The following MAN1A2 variants were observed in gnomAD, a reference collection of about 807,000 sequenced individuals.
MAN1A2 encodes mannosidase alpha class 1A member 2.
MAN1A2 carries 26 observed loss-of-function variants against 75.7 expected under a neutral mutation model. The observed-to-expected ratio is 0.34, with a 90% CI of 0.25 to 0.48. The LOEUF (loss-of-function observed/expected upper bound fraction) is 0.48, where lower values mean the gene tolerates loss of function less well. MAN1A2 is among the 20% of genes least tolerant of loss of function. The pLI, the probability that MAN1A2 is intolerant of heterozygous loss-of-function variation, is 0.99. For missense variants in MAN1A2, 562 were observed against 775.5 expected, an observed-to-expected ratio of 0.72 and a Z score of 3.27; for synonymous variants, 247 against 264.6, an observed-to-expected ratio of 0.93 and a Z score of 0.65.
chr1:117,460,470 ACTTTTC>A lies in MAN1A2; in HGVS notation c.951-12_951-7del, dbSNP rs1287407902. The A allele has an allele frequency of 1.9e-6, 3 of 1,590,522 alleles. No homozygotes were observed. Among genetic ancestry groups the A allele is most frequent in the Non-Finnish European group, 2.6e-6 (3 of 1,169,476 alleles). On this transcript the variant is annotated splice_polypyrimidine_tract_variant and intron_variant, in intron 6 of 12. Transcript: ENST00000356554. ...TTTTCCCAATCCTGTGTCTCCTTTT[ACTTTTC>A]CTTTTCATTCAGTGGAGTAGGGCGA...
At chr1:117,501,440 C>T (rs897622569) in intron 11 of MAN1A2, among the ~76,000 whole-genome samples, 3 of 151,760 alleles carry the variant, frequency 2.0e-5, no homozygotes, top group Non-Finnish European at 4.4e-5. Flanking sequence ...CTGGGTGAGG[C>T]AGAATAGCAG....
intron 8 of MAN1A2, among the ~76,000 whole-genome samples, chr1:117,471,586 A>T (rs996990499): frequency 1.3e-5 from 2 of 151,916 alleles, no homozygotes; most frequent in Admixed American, 6.6e-5. Context: ...CCTTAGTGGT[A>T]TCCTTTTGCT....
intron 8 of MAN1A2, among the ~76,000 whole-genome samples, chr1:117,471,301 T>G (rs1352803747): frequency 6.6e-6 from 1 of 151,908 alleles, no homozygotes; most frequent in African/African-American, 2.4e-5. Context: ...AATAGAAAAT[T>G]CATGTGGATC....
intron 1 of MAN1A2, among the ~76,000 whole-genome samples, chr1:117,373,119 GT>G (rs1653021502): frequency 6.6e-6 from 1 of 151,716 alleles, no homozygotes; most frequent in African/African-American, 2.4e-5. Context: ...GCTTTAGTGA[GT>G]TTCTCAAGTT....
chr1:117,416,154 A>G (rs1459951050), intron 4 of MAN1A2, among the ~76,000 whole-genome samples: 3 of 152,098 alleles, frequency 2.0e-5, no homozygotes, highest in Admixed American at 2.0e-4. Flanking sequence ...GTAGGCCACT[A>G]TTAGTTGATC....
chr1:117,431,662 A>T (rs191862442), intron 5 of MAN1A2, among the ~76,000 whole-genome samples: 188 of 152,324 alleles, frequency 1.2e-3, no homozygotes, highest in Non-Finnish European at 1.9e-3. Context: ...AATAGTACAG[A>T]GTATGGCTAG....
intron 6 of MAN1A2, among the ~76,000 whole-genome samples, chr1:117,451,978 A>T (rs2101825449): frequency 6.6e-6 from 1 of 150,672 alleles, no homozygotes; most frequent in East Asian, 2.0e-4. Flanking sequence ...ACAGAGCCAG[A>T]CCCTGTCTCA....
intron 1 of MAN1A2, among the ~76,000 whole-genome samples, chr1:117,389,040 G>A (rs1209224237): frequency 6.6e-6 from 1 of 152,030 alleles, no homozygotes; most frequent in African/African-American, 2.4e-5. Context: ...GATCTTTATG[G>A]TGATCAGAAA....
chr1:117,389,665 C>T (rs1653655081), intron 1 of MAN1A2, among the ~76,000 whole-genome samples: 1 of 151,962 alleles, frequency 6.6e-6, no homozygotes, highest in South Asian at 2.1e-4. Context: ...TGTTTTAAAA[C>T]TACAACAAAG....
rs757958851 is a variant in MAN1A2, at chr1:117,442,211, A to G, written c.856-20A>G. The G allele has an allele frequency of 7.5e-6, 11 of 1,456,982 alleles. No individual in the cohort carries two copies. In the South Asian group the frequency reaches 8.0e-5, roughly 11 times the overall value. The allele number at this position is 1,456,982 out of a possible 1,614,324, so 90.3% of individuals were successfully genotyped here. A position where few individuals can be genotyped will look rare whatever the true frequency, so the allele number is the denominator to read the frequency against. On this transcript the variant is annotated intron_variant, in intron 5 of 12. Transcript: ENST00000356554. ...TTACTAATGGCTATAATTTATGAAT[A>G]TTCATGTTTTAAATCTCAGATATTC...
chr1:117,466,503 G>GTACA, intron 8 of MAN1A2, 76 bp downstream of exon 8: 1 of 936,230 alleles, frequency 1.1e-6, no homozygotes, highest in Non-Finnish European at 1.6e-6. Flanking sequence ...GTTGTAAAAA[G>GTACA]TACACTACGT....
At chr1:117,504,689 G>A (rs1651297277) in intron 12 of MAN1A2, among the ~76,000 whole-genome samples, 1 of 151,346 alleles carries the variant, frequency 6.6e-6, no homozygotes, top group Admixed American at 6.6e-5. Context: ...GGGATCATTT[G>A]TTACGTTTGG....
chr1:117,415,447 G>C (rs1285009369), intron 4 of MAN1A2, among the ~76,000 whole-genome samples: 1 of 152,040 alleles, frequency 6.6e-6, no homozygotes, highest in African/African-American at 2.4e-5. Flanking sequence ...CTCTCTGGCA[G>C]ACTCTTCGTT....
chr1:117,482,673 T>C (rs1650538315), intron 8 of MAN1A2, among the ~76,000 whole-genome samples: 1 of 152,116 alleles, frequency 6.6e-6, no homozygotes, highest in Non-Finnish European at 1.5e-5. Context: ...GCAAAACTTT[T>C]CTCTCATTCT....
chr1:117,417,534 AATATATATATATATAT>A (rs551507232), intron 4 of MAN1A2, among the ~76,000 whole-genome samples: 1 of 89,218 alleles, frequency 1.1e-5, no homozygotes, highest in East Asian at 3.0e-4. Context: ...CTTGAGTTTA[AATATATATATATATAT>A]ATATATATGT....
At chr1:117,389,757 T>C (rs1653659793) in intron 1 of MAN1A2, among the ~76,000 whole-genome samples, 1 of 152,002 alleles carries the variant, frequency 6.6e-6, no homozygotes, top group Admixed American at 6.6e-5. Context: ...GAACCTGTAA[T>C]AGATTTTTGA....
chr1:117,434,796 T>A (rs1021492019), intron 5 of MAN1A2, among the ~76,000 whole-genome samples: 1 of 144,156 alleles, frequency 6.9e-6, no homozygotes, highest in Non-Finnish European at 1.5e-5. Flanking sequence ...TGTGTGTGTG[T>A]ATCCATTCAG....
At chr1:117,460,378 G>T in intron 6 of MAN1A2, 111 bp from the exon 7 acceptor site, 1 of 631,230 alleles carries the variant, frequency 1.6e-6, no homozygotes, top group Non-Finnish European at 2.6e-6. Context: ...AAGCTATCGT[G>T]TCAGATATAA....
At chr1:117,405,309 AAT>A (rs1184211831) in intron 2 of MAN1A2, among the ~76,000 whole-genome samples, 12 of 152,146 alleles carry the variant, frequency 7.9e-5, no homozygotes, top group Non-Finnish European at 1.6e-4. Context: ...ATGCCAAACA[AAT>A]ATGTACCTCC....
Sources: gnomAD v4.1 joint callset for allele counts (sites outside exome capture counted in the v4.1 genomes callset) on GRCh38, gnomAD v4.1.1 for gene constraint, MANE v1.5 for transcripts, NCBI Gene and HGNC (gene_info 2026-07-23, HGNC 2026-07-21) for gene names.